TSPEAR: variants seen among roughly 807,000 people sequenced by gnomAD.
TSPEAR encodes thrombospondin-type laminin G domain and EAR repeat-containing protein.
A neutral mutation model predicts 71.6 loss-of-function variants in TSPEAR; 69 were observed. The observed-to-expected ratio is 0.96, with a 90% CI of 0.79 to 1.18. The LOEUF (loss-of-function observed/expected upper bound fraction) is 1.18, where lower values mean the gene tolerates loss of function less well. Among genes scored for constraint, TSPEAR ranks in the 50% most tolerant of loss-of-function variants. The probability of loss-of-function intolerance (pLI) is 0.00; values close to 1 mark genes in which losing one functional copy is unlikely to be tolerated. For synonymous variants in TSPEAR, 402 were observed against 387.2 expected, an observed-to-expected ratio of 1.04 and a Z score of -0.45; for missense variants, 971 against 894.9, an observed-to-expected ratio of 1.09 and a Z score of -1.09.
At chr21:44,631,794 C>T (rs1983272052) in intron 1 of TSPEAR, among the ~76,000 whole-genome samples, 1 of 152,150 alleles carries the variant, frequency 6.6e-6, no homozygotes. Flanking sequence ...CAACATCAAA[C>T]ATACCAACAG....
intron 1 of TSPEAR, among the ~76,000 whole-genome samples, chr21:44,572,170 G>A (rs369619387): frequency 6.6e-6 from 1 of 152,340 alleles, no homozygotes; most frequent in Non-Finnish European, 1.5e-5. Context: ...CACGTGGAGG[G>A]GCATTCTACA....
In TSPEAR at chr21:44,666,557, G is replaced by A. The variant is rs139083381; in HGVS notation, c.82+44876C>T. ...ACGGAGCCGCATACACGACAGGCCT[G>A]CAGCTCACAGGCACGCACAGGGAGG... On this transcript the variant is annotated intron_variant, in intron 1 of 11. Coordinates refer to ENST00000323084, the MANE Select transcript of TSPEAR (RefSeq NM_144991.3). The A allele has an allele frequency of 1.1e-3, 1,734 of 1,599,878 alleles. 14 individuals are homozygous for A. The African/African-American group carries it at 0.021, about 19-fold the overall frequency.
chr21:44,617,230 G>A (rs1210835136), intron 1 of TSPEAR, among the ~76,000 whole-genome samples: 1 of 152,258 alleles, frequency 6.6e-6, no homozygotes, highest in Non-Finnish European at 1.5e-5. Context: ...GGGACATGGG[G>A]GGACACTTGG....
At position 44,612,864 on chromosome 21, in the gene TSPEAR, C is replaced by G. The variant is rs1555931566; in HGVS notation, c.83-44859G>C. The G allele has an allele frequency of 2.5e-6, 4 of 1,611,954 alleles. No homozygotes were observed. The highest frequency in any genetic ancestry group is 3.4e-6 in the Non-Finnish European group (4 of 1,179,726). On this transcript the variant is annotated intron_variant, in intron 1 of 11. Transcript: ENST00000323084. This position sits in a 1 kb window ranked among gnomAD's most constrained non-coding sequence, Gnocchi z 4.1. ...TCCTTCCTCTGCCGCCCCGCGTGCTCCCGCCTGGCCTGCTGAGGCCTCTGC... is the reference window on the plus strand; with the variant it reads ...TCCTTCCTCTGCCGCCCCGCGTGCTGCCGCCTGGCCTGCTGAGGCCTCTGC...
At chr21:44,599,856 G>A (rs1555928194) in intron 1 of TSPEAR, among the ~76,000 whole-genome samples, 2 of 152,238 alleles carry the variant, frequency 1.3e-5, no homozygotes, top group African/African-American at 4.8e-5. Flanking sequence ...GTGCTGTTGA[G>A]AGTGGCTGTG....
chr21:44,670,380 CA>C (rs1451231455), intron 1 of TSPEAR, among the ~76,000 whole-genome samples: 1 of 151,990 alleles, frequency 6.6e-6, no homozygotes, highest in African/African-American at 2.4e-5. Flanking sequence ...TGAGAGGTAA[CA>C]ACATTTTGAA....
rs587726682 is a variant in TSPEAR, at chr21:44,498,786, G to A, written c.*997C>T. 1.3e-5 allele frequency: 2 copies of A among 152,440 alleles called. No homozygotes were observed. The highest frequency in any genetic ancestry group is 4.8e-5 in the African/African-American group (2 of 41,450). The allele number at this position is 152,440 out of a possible 1,614,324, so 9.4% of individuals were successfully genotyped here. A position where few individuals can be genotyped will look rare whatever the true frequency, so the allele number is the denominator to read the frequency against. On this transcript the variant is annotated 3_prime_UTR_variant, in exon 12 of 12. Transcript: ENST00000323084. ...GTGTGGTCTGGGCTGCGTGGCCCCG[G>A]AGCCTGCTGTCTGAGCCTCTTCTCA...
chr21:44,525,990 T>C (rs2052848126), intron 7 of TSPEAR, 151 bp from the exon 8 acceptor site: 1 of 695,302 alleles, frequency 1.4e-6, no homozygotes. Context: ...GCATTACAGG[T>C]CATCATGGTG....
At chr21:44,572,976 G>T (rs1555922852) in intron 1 of TSPEAR, among the ~76,000 whole-genome samples, 1 of 151,778 alleles carries the variant, frequency 6.6e-6, no homozygotes, top group Non-Finnish European at 1.5e-5. Flanking sequence ...CAGGAGTGAG[G>T]GGAGCGGGGT....
At chr21:44,637,588 T>G (rs1555937139) in intron 1 of TSPEAR, 1 of 1,613,868 alleles carries the variant, frequency 6.2e-7, no homozygotes, top group South Asian at 1.1e-5. Context: ...AGACGGCCTG[T>G]GAGCCCAGCG....
chr21:44,539,311 C>T (rs781877546), intron 2 of TSPEAR: 16 of 1,609,920 alleles, frequency 9.9e-6, no homozygotes, highest in African/African-American at 8.0e-5. Context: ...CTCAGCAGGC[C>T]GGGCGGGAGC....
chr21:44,677,825 C>A, intron 1 of TSPEAR: 8 of 1,299,456 alleles, frequency 6.2e-6, no homozygotes, highest in Admixed American at 1.7e-5. Flanking sequence ...CAAGAACCAC[C>A]TCGAAGAGTT....
rs7280841 is a variant in TSPEAR, at chr21:44,638,033, G to A, written c.83-70028C>T. ...GTGCAAGTCCACCTGCTGCGTGCCC[G>A]TCCCCTCCTGCGGTGCCTCTGCCTC... On this transcript the variant is annotated intron_variant, in intron 1 of 11. Coordinates refer to ENST00000323084, the MANE Select transcript of TSPEAR (RefSeq NM_144991.3). 3.8e-3 allele frequency: 6,131 copies of A among 1,613,164 alleles called. 170 individuals are homozygous for A. In the African/African-American group the frequency reaches 0.069, roughly 18 times the overall value.
intron 2 of TSPEAR, among the ~76,000 whole-genome samples, chr21:44,548,149 G>A (rs587682432): frequency 2.0e-5 from 3 of 152,342 alleles, no homozygotes; most frequent in East Asian, 3.9e-4. Flanking sequence ...CAAGCCCTGT[G>A]TGTTAGTCCT....
In TSPEAR at chr21:44,629,151, C is replaced by T. The variant is rs368531908; in HGVS notation, c.83-61146G>A. On this transcript the variant is annotated intron_variant, in intron 1 of 11. Transcript: ENST00000323084. The stretch of plus-strand genomic sequence containing the variant: ...CCCCCACACTGGTGACCCGGGGCTG[C>T]GATGCCGCCCACTCTTCTCGCCTTA... 5.3e-5 allele frequency among the ~76,000 whole-genome samples: 8 copies of T among 152,276 alleles called. 1 individual carries two copies. The highest frequency in any genetic ancestry group is 5.9e-5 in the Non-Finnish European group (4 of 68,014).
At chr21:44,568,428 C>T (rs2053735302) in intron 1 of TSPEAR, among the ~76,000 whole-genome samples, 1 of 152,206 alleles carries the variant, frequency 6.6e-6, no homozygotes, top group Non-Finnish European at 1.5e-5. Flanking sequence ...CTCCTGTCTG[C>T]TGGCCTCCCT....
rs371271791 is a variant in TSPEAR, at chr21:44,649,540, C to T, written c.82+61893G>A. On this transcript the variant is annotated intron_variant, in intron 1 of 11. Transcript: ENST00000323084. The stretch of plus-strand genomic sequence containing the variant: ...AGGCAAATCCCACTCATACCCAGGA[C>T]GTGCCCACACCCCTTCTCCCGTGTG... Among the ~76,000 whole-genome samples, 98 of 152,306 alleles carry T rather than the reference C, an allele frequency of 6.4e-4. 1 individual carries two copies. In the South Asian group the frequency reaches 7.7e-3, roughly 12 times the overall value.
Position 44,666,502 on chromosome 21 carries a change from AG to A in TSPEAR, c.82+44930del, listed in dbSNP as rs782731436. The A allele has an allele frequency of 1.2e-5, 20 of 1,611,610 alleles. No individual in the cohort carries two copies. In the Middle Eastern group the frequency reaches 5.0e-4, roughly 40 times the overall value. On this transcript the variant is annotated intron_variant, in intron 1 of 11. Transcript: ENST00000323084. ...GGTCTGCAGAGGACGCTGGTGCAGG[AG>A]GGCTGGCAGCACCCAGAGGACTGGC... is the stretch of plus-strand genomic sequence containing the variant.
intron 1 of TSPEAR, chr21:44,591,817 G>A (rs782752848): frequency 6.9e-6 from 11 of 1,598,238 alleles, no homozygotes; most frequent in Non-Finnish European, 8.5e-6. Flanking sequence ...CTGCTGGCAG[G>A]GGGAGGAGGT....
Sources: gnomAD v4.1 joint callset for allele counts (sites outside exome capture counted in the v4.1 genomes callset) on GRCh38, gnomAD v4.1.1 for gene constraint, Gnocchi (gnomAD v3.1) non-coding constraint, MANE v1.5 for transcripts, NCBI Gene and HGNC (gene_info 2026-07-23, HGNC 2026-07-21) for gene names.